The following SDK1 variants were observed in gnomAD, a reference collection of about 807,000 sequenced individuals.
The protein encoded by SDK1 is sidekick cell adhesion molecule 1.
Under a neutral mutation model 245.5 loss-of-function variants are expected in SDK1, and 157 were observed. The observed-to-expected ratio is 0.64, with a 90% CI of 0.56 to 0.73. The LOEUF (loss-of-function observed/expected upper bound fraction) is 0.73, where lower values mean the gene tolerates loss of function less well. SDK1 is among the 30% of genes least tolerant of loss of function. The pLI is 0.00. For synonymous variants in SDK1, 1,647 were observed against 1,278.5 expected, an observed-to-expected ratio of 1.29 and a Z score of -6.15; for missense variants, 3,583 against 3,002.3, an observed-to-expected ratio of 1.19 and a Z score of -4.52.
chr7:4,011,213 G>A (rs1015576109), intron 15 of SDK1, 100 bp downstream of exon 15: 23 of 1,427,456 alleles, frequency 1.6e-5, no homozygotes, highest in Non-Finnish European at 1.8e-5. Context: ...ACAGCAACCC[G>A]CTGGCTTCCC....
At chr7:3,847,832 T>A (rs34960833) in intron 5 of SDK1, among the ~76,000 whole-genome samples, 40,738 of 152,212 alleles carry the variant, frequency 0.27, 6,433 homozygotes, top group African/African-American at 0.43. Context: ...TGACACCATT[T>A]TCTATTTCAA....
At chr7:3,546,689 C>A (rs777052068) in intron 1 of SDK1, among the ~76,000 whole-genome samples, 1 of 152,220 alleles carries the variant, frequency 6.6e-6, no homozygotes, top group Admixed American at 6.5e-5. Flanking sequence ...TGCGTAAAGA[C>A]CATCATTTCA....
intron 1 of SDK1, among the ~76,000 whole-genome samples, chr7:3,610,705 G>C (rs891053823): frequency 6.6e-6 from 1 of 152,222 alleles, no homozygotes; most frequent in Non-Finnish European, 1.5e-5. Context: ...GGAAGGGTAG[G>C]TTTACCCCCA....
chr7:3,707,746 G>T (rs1784932614), intron 4 of SDK1, among the ~76,000 whole-genome samples: 1 of 152,132 alleles, frequency 6.6e-6, no homozygotes, highest in African/African-American at 2.4e-5. Flanking sequence ...TAAATGCATA[G>T]AAACTTAGGA....
chr7:3,431,295 T>G (rs528990978), intron 1 of SDK1, among the ~76,000 whole-genome samples: 1 of 150,536 alleles, frequency 6.6e-6, no homozygotes, highest in South Asian at 2.1e-4. Context: ...GATCATAAAG[T>G]GCCACCAAAG....
Position 3,723,891 on chromosome 7 carries a change from CACGTGT to C in SDK1, c.713+81788_713+81793del, listed in dbSNP as rs1562397564. ...GTATATACACGTACATATATATATACACGTGTATATACACGTACATATATATATACA... is the reference window on the plus strand; with the variant it reads ...GTATATACACGTACATATATATATACATATACACGTACATATATATATACA... On this transcript the variant is annotated intron_variant, in intron 4 of 44. Transcript: ENST00000404826. Among the ~76,000 whole-genome samples the C allele has an allele frequency of 7.2e-4, 93 of 129,866 alleles. 2 individuals carry two copies. Among genetic ancestry groups the C allele is most frequent in the African/African-American group, 3.0e-3 (92 of 30,796 alleles). 85.2% of individuals were successfully genotyped at this position (129,866 alleles called of 152,430 possible).
chr7:4,046,803 G>A (rs942230199), intron 17 of SDK1, among the ~76,000 whole-genome samples: 8 of 150,504 alleles, frequency 5.3e-5, no homozygotes, highest in Non-Finnish European at 1.2e-4. Flanking sequence ...TCAATGTCTA[G>A]GAGATATCTA....
intron 30 of SDK1, among the ~76,000 whole-genome samples, chr7:4,150,458 A>T (rs1780285069): frequency 6.6e-6 from 1 of 152,204 alleles, no homozygotes; most frequent in Non-Finnish European, 1.5e-5. Flanking sequence ...TCAGATGGTC[A>T]CATAGGTCAG....
At chr7:3,358,184 G>C (rs374148775) in intron 1 of SDK1, among the ~76,000 whole-genome samples, 7 of 151,950 alleles carry the variant, frequency 4.6e-5, no homozygotes, top group African/African-American at 1.7e-4. Context: ...ACCACCCCCA[G>C]CTAATTTTTG....
intron 35 of SDK1, among the ~76,000 whole-genome samples, chr7:4,183,527 C>T (rs376030059): frequency 2.0e-5 from 3 of 150,742 alleles, no homozygotes; most frequent in Non-Finnish European, 4.4e-5. Flanking sequence ...CCCAGCTACT[C>T]GGGAGGCGGA....
intron 2 of SDK1, among the ~76,000 whole-genome samples, chr7:3,637,451 C>G (rs902555404): frequency 3.3e-5 from 5 of 152,182 alleles, no homozygotes; most frequent in Non-Finnish European, 7.3e-5. Flanking sequence ...ACACCTTACT[C>G]TTAATTTGTC....
At chr7:4,224,524 C>T (rs973572412) in intron 40 of SDK1, among the ~76,000 whole-genome samples, 4 of 152,202 alleles carry the variant, frequency 2.6e-5, no homozygotes, top group Non-Finnish European at 5.9e-5. Context: ...AAACACCTCC[C>T]ACCAGGCCCC....
At chr7:3,933,123 C>CTTTTTTTTTTTTTTTTT in intron 5 of SDK1, among the ~76,000 whole-genome samples, 1 of 83,260 alleles carries the variant, frequency 1.2e-5, no homozygotes, top group Non-Finnish European at 2.1e-5. Flanking sequence ...GCTCCTGGAT[C>CTTTTTTTTTTTTTTTTT]TTTTTTTTTT....
intron 1 of SDK1, among the ~76,000 whole-genome samples, chr7:3,376,910 T>C (rs537726156): frequency 6.6e-6 from 1 of 152,310 alleles, no homozygotes; most frequent in East Asian, 1.9e-4. Flanking sequence ...TCTTGGACTT[T>C]CCTGGATCTG....
chr7:3,882,988 G>T (rs968751790), intron 5 of SDK1, among the ~76,000 whole-genome samples: 2 of 152,146 alleles, frequency 1.3e-5, no homozygotes, highest in African/African-American at 4.8e-5. Flanking sequence ...TGAAGTGCTG[G>T]CTGGAAGGGC....
rs35328849 is a variant in SDK1, at chr7:3,477,189, C to CTTTTTTTT, written c.299-141874_299-141867dup. Among the ~76,000 whole-genome samples, 35 of 78,642 alleles carry CTTTTTTTT rather than the reference C, an allele frequency of 4.5e-4. 1 individual carries two copies. Among genetic ancestry groups the CTTTTTTTT allele is most frequent in the Admixed American group, 7.4e-4 (4 of 5,412 alleles). The allele number at this position is 78,642 out of a possible 152,430, so 51.6% of individuals were successfully genotyped here. A position where few individuals can be genotyped will look rare whatever the true frequency, so the allele number is the denominator to read the frequency against. On this transcript the variant is annotated intron_variant, in intron 1 of 44. Transcript: ENST00000404826. ...TTCATTTTTGCTTTATGGTTTTCTC[C>CTTTTTTTT]TTTTTTTTTTTTTTTTTTTTTTTTG...
intron 22 of SDK1, among the ~76,000 whole-genome samples, chr7:4,094,253 G>T (rs1181536838): frequency 6.6e-6 from 1 of 152,126 alleles, no homozygotes; most frequent in African/African-American, 2.4e-5. Context: ...GTAGAGAGGG[G>T]GTTTTGCCAT....
intron 1 of SDK1, among the ~76,000 whole-genome samples, chr7:3,578,713 T>A (rs1780385810): frequency 2.0e-5 from 3 of 151,858 alleles, no homozygotes. Flanking sequence ...CATCCGTTTA[T>A]AGGCTCTCTG....
At chr7:3,735,477 A>G (rs1209582021) in intron 4 of SDK1, among the ~76,000 whole-genome samples, 2 of 152,228 alleles carry the variant, frequency 1.3e-5, no homozygotes, top group African/African-American at 4.8e-5. Flanking sequence ...AGGTTCACAC[A>G]TGTGGTAGCG....
Sources: gnomAD v4.1 joint callset for allele counts (sites outside exome capture counted in the v4.1 genomes callset) on GRCh38, gnomAD v4.1.1 for gene constraint, MANE v1.5 for transcripts, NCBI Gene and HGNC (gene_info 2026-07-23, HGNC 2026-07-21) for gene names.